SIDT2: variants seen among roughly 807,000 people sequenced by gnomAD.
The protein encoded by SIDT2 is SID1 transmembrane family member 2.
In SIDT2, 68 loss-of-function variants were observed where a neutral mutation model predicts 114.4. The observed-to-expected ratio is 0.59, with a 90% CI of 0.49 to 0.73. The LOEUF is 0.73. SIDT2 is among the 30% of genes least tolerant of loss of function. The probability of loss-of-function intolerance (pLI) is 0.00; values close to 1 mark genes in which losing one functional copy is unlikely to be tolerated. For missense variants in SIDT2, 918 were observed against 1,097.1 expected (o/e 0.84, Z 2.31); for synonymous variants, 470 against 438.4 (o/e 1.07, Z -0.90).
In SIDT2 at chr11:117,193,834, C is replaced by G. The variant is rs768970646; in HGVS notation, c.2212-19C>G. Reference sequence around the variant, plus strand: ...AGGGGTAAGCCCTCAGACTGCTGTCCCTGCCTGGCCCCTCCCAGCTCCGGA... The same window carrying G: ...AGGGGTAAGCCCTCAGACTGCTGTCGCTGCCTGGCCCCTCCCAGCTCCGGA... On this transcript the variant is annotated intron_variant, in intron 23 of 25. Transcript: ENST00000324225. 4.4e-6 allele frequency: 7 copies of G among 1,598,674 alleles called. No homozygotes were observed. Among genetic ancestry groups the G allele is most frequent in the Non-Finnish European group, 4.3e-6 (5 of 1,166,508 alleles).
Position 117,193,929 on chromosome 11 carries a change from T to C in SIDT2, c.2288T>C (p.Leu763Pro), listed in dbSNP as rs752143740. Residue 763 changes from leucine (L) to proline (P), a missense_variant, in exon 24 of 26, where the codon CTC (leucine) becomes CCC (proline). By Grantham distance (98) the Leu-to-Pro change is moderately conservative. Coordinates refer to ENST00000324225, the MANE Select transcript of SIDT2 (RefSeq NM_001040455.2). ...ACCTCCGTGGTCTGGGGCTTCGCGC[T>C]CTTCTTCTTCTTCCAGGGACTCAGC... ...VCTSVVWGFA[L>P]FFFFQGLSTW... 1 of 1,610,630 alleles carries C rather than the reference T, an allele frequency of 6.2e-7. No individual in the cohort carries two copies. Among genetic ancestry groups the C allele is most frequent in the Non-Finnish European group, 8.5e-7 (1 of 1,177,560 alleles).
In SIDT2 at chr11:117,193,203, T is replaced by A; in HGVS notation, c.2156T>A (p.Leu719Ter). ...MRPNDFASYL[L>*]AIGICNLLLY... is the part of the protein sequence containing the mutation. Reference sequence around the variant, plus strand: ...CCCAATGATTTCGCTTCCTACTTGTTGGCCATTGGCATCTGCAACCTGCTC... The same window carrying A: ...CCCAATGATTTCGCTTCCTACTTGTAGGCCATTGGCATCTGCAACCTGCTC... Residue 719 changes from leucine (L) to a stop codon, truncating the protein, a stop_gained, in exon 23 of 26, where the codon TTG (leucine) becomes TAG (stop). Transcript: ENST00000324225. LOFTEE classifies it high-confidence loss of function. The A allele has an allele frequency of 6.2e-7, 1 of 1,614,150 alleles. No homozygotes were observed. The highest frequency in any genetic ancestry group is 8.5e-7 in the Non-Finnish European group (1 of 1,180,000).
Position 117,192,927 on chromosome 11 carries a change from T to C in SIDT2, c.2105+61T>C. The C allele has an allele frequency of 6.2e-7, 1 of 1,602,496 alleles. No homozygotes were observed. The highest frequency in any genetic ancestry group is 8.6e-7 in the Non-Finnish European group (1 of 1,169,570). ...GACAGCTGGGGACTCGGTCAGCCACTGGCTGCCTTGGGGGCTAAGGACAAC... is the reference window on the plus strand; with the variant it reads ...GACAGCTGGGGACTCGGTCAGCCACCGGCTGCCTTGGGGGCTAAGGACAAC... On this transcript the variant is annotated intron_variant, in intron 22 of 25. Coordinates refer to ENST00000324225, the MANE Select transcript of SIDT2 (RefSeq NM_001040455.2). The surrounding 1 kb of genome is among the most constrained non-coding windows in gnomAD (Gnocchi z 5.9).
Position 117,195,810 on chromosome 11 carries a change from T to C in SIDT2, c.2331T>C (p.Pro777=). The C allele has an allele frequency of 6.2e-7, 1 of 1,614,180 alleles. No individual in the cohort carries two copies. Among genetic ancestry groups the C allele is most frequent in the Non-Finnish European group, 8.5e-7 (1 of 1,180,016 alleles). Reference sequence around the variant, plus strand: ...TCTTGTTGCTCCCCAAGAAAACCCCTGCAGAGTCGAGGGAGCACAACCGGG... The same window carrying C: ...TCTTGTTGCTCCCCAAGAAAACCCCCGCAGAGTCGAGGGAGCACAACCGGG... ...FQGLSTWQKT[P]AESREHNRDC... Residue 777 remains proline (P), a synonymous_variant, in exon 25 of 26, where the codon CCT becomes CCC. Coordinates refer to ENST00000324225, the MANE Select transcript of SIDT2 (RefSeq NM_001040455.2).
intron 12 of SIDT2, 133 bp downstream of exon 12, chr11:117,187,832 C>T: frequency 1.2e-6 from 1 of 829,666 alleles, no homozygotes; most frequent in Non-Finnish European, 2.0e-6. Flanking sequence ...TAACCCCTCT[C>T]TTCCCTCATC....
Position 117,193,198 on chromosome 11 carries a change from CTTG to C in SIDT2, c.2155_2157del (p.Leu719del). 6.2e-7 allele frequency: 1 copy of C among 1,614,168 alleles called. No individual in the cohort carries two copies. Among genetic ancestry groups the C allele is most frequent in the Non-Finnish European group, 8.5e-7 (1 of 1,180,014 alleles). ...TGCGCCCCAATGATTTCGCTTCCTA[CTTG>C]TTGGCCATTGGCATCTGCAACCTGC... is the stretch of plus-strand genomic sequence containing the variant. On this transcript the variant is annotated inframe_deletion, in exon 23 of 26. Transcript: ENST00000324225.
rs1565283958 is a variant in SIDT2 at position 117,181,496 on chromosome 11, G to A, written c.264G>A (p.Glu88=). Residue 88 remains glutamate (E), a synonymous_variant, in exon 2 of 26, where the codon GAG becomes GAA. Coordinates refer to ENST00000324225, the MANE Select transcript of SIDT2 (RefSeq NM_001040455.2). The part of the protein sequence containing the change: ...APLLFVVRQK[E]AVVSFQVPLI... The stretch of plus-strand genomic sequence containing the variant: ...TGCTGTTTGTGGTCCGCCAGAAGGA[G>A]GCTGTGGTGTCCTTCCAGGTGCCCC... 2 of 1,613,958 alleles carry A rather than the reference G, an allele frequency of 1.2e-6. No individual in the cohort carries two copies. The highest frequency in any genetic ancestry group is 4.5e-5 in the East Asian group (2 of 44,848).
chr11:117,184,787 A>G (rs2030429076), intron 8 of SIDT2, among the ~76,000 whole-genome samples: 1 of 152,036 alleles, frequency 6.6e-6, no homozygotes, highest in African/African-American at 2.4e-5. Context: ...ATGCAGTGGC[A>G]AGATCTCTAC....
rs183950705 is a variant in SIDT2, at chr11:117,181,797, C to T, written c.306-10C>T. The T allele has an allele frequency of 4.5e-4, 722 of 1,614,058 alleles. 2 individuals carry two copies. In the African/African-American group the frequency reaches 5.4e-3, roughly 12 times the overall value. The stretch of plus-strand genomic sequence containing the variant: ...GTGCTCACATCCTATCTCCCTGCTT[C>T]GGGCCATAGGTTTCAGCGCAAGTAC... On this transcript the variant is annotated splice_polypyrimidine_tract_variant and intron_variant, in intron 2 of 25. Coordinates refer to ENST00000324225, the MANE Select transcript of SIDT2 (RefSeq NM_001040455.2).
chr11:117,182,896 C>T, intron 6 of SIDT2, 90 bp downstream of exon 6: 1 of 1,388,490 alleles, frequency 7.2e-7, no homozygotes, highest in Non-Finnish European at 9.8e-7. Flanking sequence ...TCTGCCCATT[C>T]CTATCCTACA....
At chr11:117,189,459 A>G (rs2030621965) in intron 15 of SIDT2, 58 bp downstream of exon 15, 2 of 1,561,384 alleles carry the variant, frequency 1.3e-6, no homozygotes, top group Admixed American at 1.8e-5. Context: ...CCCAAAGTGC[A>G]GAGCCTCCCA....
In SIDT2 at chr11:117,187,666, G is replaced by A. The variant is rs192854194; in HGVS notation, c.1126G>A (p.Ala376Thr). The stretch of plus-strand genomic sequence containing the variant: ...ATCTACCGATGGTCTGGTTGACAGC[G>A]CTGGCACTGGGGACCTCTCTTACGG... ...SGSTDGLVDS[A>T]GTGDLSYGYQ... is the part of the protein sequence containing the mutation. The change falls in exon 12 of 26, where the codon GCT (alanine) becomes ACT (threonine). Residue 376 changes from alanine (A) to threonine (T), a missense_variant. Ala to Thr is a moderately conservative substitution (Grantham distance 58, BLOSUM62 0). Transcript: ENST00000324225. 7.7e-5 allele frequency: 125 copies of A among 1,614,010 alleles called. No homozygotes were observed. The East Asian group carries it at 1.2e-3, about 15-fold the overall frequency.
Position 117,188,735 on chromosome 11 carries a change from G to T in SIDT2, c.1187G>T (p.Arg396Leu). 6.2e-7 allele frequency: 1 copy of T among 1,614,118 alleles called. No homozygotes were observed. The highest frequency in any genetic ancestry group is 8.5e-7 in the Non-Finnish European group (1 of 1,180,018). The change falls in exon 13 of 26, where the codon CGG becomes CTG. Residue 396 changes from arginine to leucine, a missense_variant. Transcript: ENST00000324225. The surrounding 1 kb of genome is among the most constrained non-coding windows in gnomAD (Gnocchi z 4.0). ...CGCTCCTTTGAACCTGTAGGTACTC[G>T]GCCCCGAGTGGACTCCATGAGCTCT... is the stretch of plus-strand genomic sequence containing the variant. ...QGRSFEPVGT[R>L]PRVDSMSSVE...
chr11:117,192,621 A>C lies in SIDT2; in HGVS notation c.2029A>C (p.Ile677Leu). 2 of 1,611,980 alleles carry C rather than the reference A, an allele frequency of 1.2e-6. No homozygotes were observed. Among genetic ancestry groups the C allele is most frequent in the Non-Finnish European group, 1.7e-6 (2 of 1,180,026 alleles). Residue 677 changes from isoleucine to leucine, a missense_variant, in exon 21 of 26, where the codon ATC becomes CTC. Around this residue, in one of 4 missense-constraint regions of SIDT2, gnomAD observed 275 missense variants for 397.6 expected, o/e 0.69. Coordinates refer to ENST00000324225, the MANE Select transcript of SIDT2 (RefSeq NM_001040455.2). The surrounding 1 kb of genome is among the most constrained non-coding windows in gnomAD (Gnocchi z 5.9). ...CCTCCACGTGCTCTACACAGACTGC[A>C]TCCGGCAGTGCAGCGGGCCGCTCTA... ...RILHVLYTDC[I>L]RQCSGPLYVD...
chr11:117,181,376 G>C, intron 1 of SIDT2, 40 bp from the exon 2 acceptor site: 2 of 1,611,338 alleles, frequency 1.2e-6, no homozygotes, highest in Non-Finnish European at 1.7e-6. Context: ...CGTGTCCCTG[G>C]TGGCAGAGGC....
At position 117,196,254 on chromosome 11, in the gene SIDT2, C is replaced by G; in HGVS notation, c.*188C>G. On this transcript the variant is annotated 3_prime_UTR_variant, in exon 26 of 26. Coordinates refer to ENST00000324225, the MANE Select transcript of SIDT2 (RefSeq NM_001040455.2). This position sits in a 1 kb window ranked among gnomAD's most constrained non-coding sequence, Gnocchi z 4.9. ...GGGGTGGCATGGAACCTTGCAGCTG[C>G]CCTCTGCCGAGGAGCAGGCCTGCTC... 1.4e-6 allele frequency: 1 copy of G among 731,680 alleles called. No individual in the cohort carries two copies. The highest frequency in any genetic ancestry group is 2.2e-6 in the Non-Finnish European group (1 of 454,832). 45.3% of individuals were successfully genotyped at this position (731,680 alleles called of 1,614,324 possible).
intron 3 of SIDT2, 23 bp from the exon 4 acceptor site, chr11:117,182,037 G>C: frequency 6.2e-7 from 1 of 1,610,152 alleles, no homozygotes; most frequent in Non-Finnish European, 8.5e-7. Flanking sequence ...GGTGACTGGT[G>C]GGGGCTCTTC....
intron 10 of SIDT2, 112 bp downstream of exon 10, chr11:117,186,748 G>T: frequency 9.5e-7 from 1 of 1,049,708 alleles, no homozygotes; most frequent in Non-Finnish European, 1.4e-6. Flanking sequence ...GTTTCTGGAT[G>T]TTCAGATGGG....
Position 117,190,375 on chromosome 11 carries a change from C to T in SIDT2, c.1617+86C>T. The T allele has an allele frequency of 6.6e-7, 1 of 1,508,396 alleles. No individual in the cohort carries two copies. The highest frequency in any genetic ancestry group is 2.3e-5 in the Admixed American group (1 of 43,680). The allele number at this position is 1,508,396 out of a possible 1,614,324, so 93.4% of individuals were successfully genotyped here. On this transcript the variant is annotated intron_variant, in intron 17 of 25. Coordinates refer to ENST00000324225, the MANE Select transcript of SIDT2 (RefSeq NM_001040455.2). The surrounding 1 kb of genome is among the most constrained non-coding windows in gnomAD (Gnocchi z 4.1). Reference sequence around the variant, plus strand: ...CTCCAGGACACCCTTTTGGGCAGGCCTGGCCCTGCCTTCCCCAGCTCTCCC... The same window carrying T: ...CTCCAGGACACCCTTTTGGGCAGGCTTGGCCCTGCCTTCCCCAGCTCTCCC...
Sources: gnomAD v4.1 joint callset for allele counts (sites outside exome capture counted in the v4.1 genomes callset) on GRCh38, gnomAD v4.1.1 for gene constraint, gnomAD v4.1.1 regional missense constraint, Gnocchi (gnomAD v3.1) non-coding constraint, MANE v1.5 for transcripts, NCBI Gene and HGNC (gene_info 2026-07-23, HGNC 2026-07-21) for gene names.